The following MARCHF4 variants were observed in gnomAD, a reference collection of about 807,000 sequenced individuals.
MARCHF4 encodes E3 ubiquitin-protein ligase MARCHF4.
A neutral mutation model predicts 43.9 loss-of-function variants in MARCHF4; 14 were observed. The observed-to-expected ratio is 0.32, with a 90% CI of 0.21 to 0.50. MARCHF4 has a LOEUF of 0.50. Ranked by LOEUF, MARCHF4 falls within the 20% of genes least tolerant of loss-of-function variation. The pLI is 0.98. For missense variants in MARCHF4, 468 were observed against 536.7 expected, an observed-to-expected ratio of 0.87 and a Z score of 1.27; for synonymous variants, 226 against 213.3, an observed-to-expected ratio of 1.06 and a Z score of -0.52.
Position 216,274,174 on chromosome 2 carries a change from T to G in MARCHF4, c.865+3498A>C, listed in dbSNP as rs1406329723. Among the ~76,000 whole-genome samples the G allele has an allele frequency of 2.0e-5, 3 of 152,062 alleles. No individual in the cohort carries two copies. In the East Asian group the frequency reaches 5.8e-4, roughly 29 times the overall value. On this transcript the variant is annotated intron_variant, in intron 3 of 3. Coordinates refer to ENST00000273067, the MANE Select transcript of MARCHF4 (RefSeq NM_020814.3). ...GCTCAGGTGGACCCTATACCCATGGTTGTGGGTCTCATCTTCTTGCTCCTG... is the reference window on the plus strand; with the variant it reads ...GCTCAGGTGGACCCTATACCCATGGGTGTGGGTCTCATCTTCTTGCTCCTG...
At chr2:216,290,672 G>A (rs1691293858) in intron 1 of MARCHF4, among the ~76,000 whole-genome samples, 1 of 152,270 alleles carries the variant, frequency 6.6e-6, no homozygotes, top group African/African-American at 2.4e-5. Context: ...TGGTGTTTTG[G>A]ACCACTATTG....
chr2:216,272,665 G>A (rs558433011), intron 3 of MARCHF4, among the ~76,000 whole-genome samples: 87 of 152,320 alleles, frequency 5.7e-4, no homozygotes, highest in Middle Eastern at 3.4e-3. Flanking sequence ...TGCTTATCCT[G>A]CTTATCTTTT....
chr2:216,266,961 A>G (rs931420038), intron 3 of MARCHF4, among the ~76,000 whole-genome samples: 2 of 152,232 alleles, frequency 1.3e-5, no homozygotes, highest in African/African-American at 4.8e-5. Flanking sequence ...AAGTTACAAA[A>G]GTAGTTTATT....
intron 2 of MARCHF4, among the ~76,000 whole-genome samples, chr2:216,280,404 C>T (rs1370887519): frequency 7.9e-5 from 12 of 152,110 alleles, no homozygotes; most frequent in Non-Finnish European, 1.6e-4. Flanking sequence ...GATCAGATGA[C>T]CCGATCCTGA....
intron 1 of MARCHF4, among the ~76,000 whole-genome samples, chr2:216,285,929 T>C (rs1289339129): frequency 6.6e-6 from 1 of 152,104 alleles, no homozygotes; most frequent in Non-Finnish European, 1.5e-5. Flanking sequence ...TGAATGACAG[T>C]GAAGTCTCCA....
intron 1 of MARCHF4, among the ~76,000 whole-genome samples, chr2:216,300,337 G>GATATATATATATTTATATATATATATAT (rs67724586): frequency 8.1e-6 from 1 of 124,180 alleles, no homozygotes; most frequent in African/African-American, 4.1e-5. Context: ...TGTCCATCTC[G>GATATATATATATTTATATATATATATAT]ATATATATAT....
chr2:216,311,420 G>A (rs1022619422), intron 1 of MARCHF4, among the ~76,000 whole-genome samples: 2 of 152,052 alleles, frequency 1.3e-5, no homozygotes, highest in African/African-American at 4.8e-5. Context: ...ACCACACCTG[G>A]TTAATTTTTG....
Position 216,319,588 on chromosome 2 carries a change from C to A in MARCHF4, c.517-35859G>T, listed in dbSNP as rs1001476811. On this transcript the variant is annotated intron_variant, in intron 1 of 3. Transcript: ENST00000273067. The stretch of plus-strand genomic sequence containing the variant: ...TTTGCAATTTTCAAATTATTCATGC[C>A]CTATAGAGAGTTTGATAATTAAAGA... 3.9e-5 allele frequency among the ~76,000 whole-genome samples: 6 copies of A among 152,070 alleles called. No individual in the cohort carries two copies. The South Asian group carries it at 6.2e-4, about 16-fold the overall frequency.
intron 1 of MARCHF4, among the ~76,000 whole-genome samples, chr2:216,346,841 C>G (rs1692328229): frequency 6.6e-6 from 1 of 152,086 alleles, no homozygotes; most frequent in Non-Finnish European, 1.5e-5. Context: ...GTCTGTGTCC[C>G]CATTCAAATC....
In MARCHF4 at chr2:216,366,339, C is replaced by G. The variant is rs567073090; in HGVS notation, c.516+3406G>C. On this transcript the variant is annotated intron_variant, in intron 1 of 3. Coordinates refer to ENST00000273067, the MANE Select transcript of MARCHF4 (RefSeq NM_020814.3). ...CAAAGTGGGCTAGTGCAGCTTCAAC[C>G]AAAAACGGAGAGTGAGGAGGTTGTG... 1.1e-4 allele frequency among the ~76,000 whole-genome samples: 17 copies of G among 152,226 alleles called. No homozygotes were observed. The East Asian group carries it at 3.3e-3, about 29-fold the overall frequency.
chr2:216,279,304 A>T (rs1295100890), intron 2 of MARCHF4, among the ~76,000 whole-genome samples: 1 of 152,236 alleles, frequency 6.6e-6, no homozygotes, highest in Non-Finnish European at 1.5e-5. Flanking sequence ...AAGTGGGTGG[A>T]GTGGAGACAG....
rs1246324853 is a variant in MARCHF4 at position 216,258,416 on chromosome 2, G to A, written c.*896C>T. ...ATGGTGGGGTTGGGTAGTTGGGAAA[G>A]TTGCTCCGGGATTGACAGCTTCCAA... On this transcript the variant is annotated 3_prime_UTR_variant, in exon 4 of 4. Coordinates refer to ENST00000273067, the MANE Select transcript of MARCHF4 (RefSeq NM_020814.3). The A allele has an allele frequency of 6.5e-6, 1 of 152,758 alleles. No homozygotes were observed. The highest frequency in any genetic ancestry group is 1.5e-5 in the Non-Finnish European group (1 of 68,272). The allele number at this position is 152,758 out of a possible 1,614,324, so 9.5% of individuals were successfully genotyped here.
intron 3 of MARCHF4, among the ~76,000 whole-genome samples, chr2:216,274,155 G>A (rs1028404120): frequency 5.3e-5 from 8 of 152,172 alleles, no homozygotes; most frequent in African/African-American, 1.9e-4. Context: ...TGATGCTCAG[G>A]TGGACCCTAT....
chr2:216,287,061 T>A (rs947821671), intron 1 of MARCHF4, among the ~76,000 whole-genome samples: 2 of 152,198 alleles, frequency 1.3e-5, no homozygotes, highest in African/African-American at 4.8e-5. Flanking sequence ...CCTTCCATCC[T>A]CTGGATCCTG....
At chr2:216,288,422 A>G (rs1420292585) in intron 1 of MARCHF4, among the ~76,000 whole-genome samples, 3 of 152,150 alleles carry the variant, frequency 2.0e-5, no homozygotes, top group East Asian at 3.9e-4. Flanking sequence ...CTGTCACTCT[A>G]AGACAGGTGA....
At chr2:216,272,628 T>C (rs1315461955) in intron 3 of MARCHF4, among the ~76,000 whole-genome samples, 1 of 152,216 alleles carries the variant, frequency 6.6e-6, no homozygotes, top group Non-Finnish European at 1.5e-5. Flanking sequence ...TTTAAGCCTT[T>C]CCTCATCTGT....
chr2:216,357,374 G>A (rs1412982845), intron 1 of MARCHF4, among the ~76,000 whole-genome samples: 1 of 152,188 alleles, frequency 6.6e-6, no homozygotes, highest in Non-Finnish European at 1.5e-5. Flanking sequence ...CCAGGCTGGA[G>A]TGCAGTAGTA....
In MARCHF4 at chr2:216,372,103, C is replaced by T. The variant is rs951207008; in HGVS notation, c.-1843G>A. ...TATATAAATATATCTCTTATAAAAG[C>T]CGAGAGGAAGCAAATCAGATTCCAG... On this transcript the variant is annotated 5_prime_UTR_variant, in exon 1 of 4. Transcript: ENST00000273067. The T allele has an allele frequency of 2.0e-5, 3 of 152,282 alleles. No homozygotes were observed. Among genetic ancestry groups the T allele is most frequent in the African/African-American group, 4.8e-5 (2 of 41,466 alleles). 9.4% of individuals were successfully genotyped at this position (152,282 alleles called of 1,614,324 possible).
chr2:216,258,525 TG>T lies in MARCHF4; in HGVS notation c.*786del, dbSNP rs1690688669. 1 of 153,542 alleles carries T rather than the reference TG, an allele frequency of 6.5e-6. No homozygotes were observed. Among genetic ancestry groups the T allele is most frequent in the Non-Finnish European group, 1.4e-5 (1 of 69,088 alleles). 9.5% of individuals were successfully genotyped at this position (153,542 alleles called of 1,614,324 possible). A position where few individuals can be genotyped will look rare whatever the true frequency, so the allele number is the denominator to read the frequency against. ...CTCTAGGGGTGTGTGTGTGTGTGTG[TG>T]TGTGTGTGTGTGTGTGTGTCCTGTA... is the stretch of plus-strand genomic sequence containing the variant. On this transcript the variant is annotated 3_prime_UTR_variant, in exon 4 of 4. Transcript: ENST00000273067.
Sources: gnomAD v4.1 joint callset for allele counts (sites outside exome capture counted in the v4.1 genomes callset) on GRCh38, gnomAD v4.1.1 for gene constraint, MANE v1.5 for transcripts, NCBI Gene and HGNC (gene_info 2026-07-23, HGNC 2026-07-21) for gene names.